P4HA2: variants seen among roughly 807,000 people sequenced by gnomAD.
The protein encoded by P4HA2 is prolyl 4-hydroxylase subunit alpha-2.
Under a neutral mutation model 76.9 loss-of-function variants are expected in P4HA2, and 46 were observed. The ratio of observed to expected loss-of-function variants is 0.60; its 90% CI spans 0.47 to 0.76. The LOEUF (loss-of-function observed/expected upper bound fraction) is 0.76. P4HA2 is among the 30% of genes least tolerant of loss of function. The pLI, the probability that P4HA2 is intolerant of heterozygous loss-of-function variation, is 0.00. For synonymous variants in P4HA2, 243 were observed against 254.0 expected, an observed-to-expected ratio of 0.96 and a Z score of 0.41; for missense variants, 583 against 669.4, an observed-to-expected ratio of 0.87 and a Z score of 1.42.
At chr5:132,195,615 C>T (rs1232980277) in intron 12 of P4HA2, 135 bp from the exon 13 acceptor site, 1 of 696,914 alleles carries the variant, frequency 1.4e-6, no homozygotes, top group East Asian at 2.7e-5. Context: ...TGCTCCATGG[C>T]CAGCCCTTTA....
At chr5:132,217,487 A>ATCTGTGGGGAGTT in intron 3 of P4HA2, 139 bp from the exon 4 acceptor site, 1 of 744,596 alleles carries the variant, frequency 1.3e-6, no homozygotes, top group Non-Finnish European at 2.3e-6. Flanking sequence ...TGAATACAGT[A>ATCTGTGGGGAGTT]ACTCCCCACA....
At chr5:132,195,181 G>A (rs936258442) in intron 13 of P4HA2, 159 bp from the exon 14 acceptor site, 1 of 642,756 alleles carries the variant, frequency 1.6e-6, no homozygotes, top group Admixed American at 2.6e-5. Context: ...ACATTTCCCA[G>A]AAAGCACCTA....
At chr5:132,205,723 C>G (rs891685871) in intron 8 of P4HA2, among the ~76,000 whole-genome samples, 4 of 152,122 alleles carry the variant, frequency 2.6e-5, no homozygotes, top group African/African-American at 9.7e-5. Context: ...CCAGCACAAG[C>G]AGGACAGACG....
At chr5:132,202,839 C>T (rs1751695818) in intron 10 of P4HA2, 2 of 152,274 alleles carry the variant, frequency 1.3e-5, no homozygotes, top group African/African-American at 4.8e-5. Context: ...CTTAACCAGT[C>T]CAGGCCTCTC....
At chr5:132,227,655 G>A (rs115487405) in intron 1 of P4HA2, 135 bp downstream of exon 1, 8,106 of 152,698 alleles carry the variant, frequency 0.053, 599 homozygotes, top group African/African-American at 0.17. Flanking sequence ...GCGGCTAGCG[G>A]CGCGACCCCC....
intron 10 of P4HA2, chr5:132,202,297 T>C (rs1751606222): frequency 6.6e-6 from 1 of 152,224 alleles, no homozygotes; most frequent in South Asian, 2.1e-4. Context: ...CACCAATCCA[T>C]AAAGATGACC....
chr5:132,217,766 A>C lies in P4HA2; in HGVS notation c.165T>G (p.Leu55=), dbSNP rs767079800. 6.9e-6 allele frequency: 11 copies of C among 1,604,986 alleles called. No homozygotes were observed. The African/African-American group carries it at 8.0e-5, about 12-fold the overall frequency. ...ACTTAGGACACCTCTTAATCTTGGA[A>C]AGCTTGGCTTCCTCCACAAGGATGT... ...KEYILVEEAK[L]SKIKSWANKM... The change falls in exon 3 of 15, where the codon CTT becomes CTG. Residue 55 remains leucine (L), a synonymous_variant. Transcript: ENST00000360568.
intron 11 of P4HA2, 94 bp from the exon 12 acceptor site, chr5:132,198,474 T>A (rs1017458241): frequency 4.3e-6 from 5 of 1,154,738 alleles, no homozygotes; most frequent in Admixed American, 1.9e-5. Context: ...AAGTAATAAG[T>A]GTGTGTTCCA....
At chr5:132,218,461 C>G in intron 2 of P4HA2, 84 bp downstream of exon 2, 13 of 952,668 alleles carry the variant, frequency 1.4e-5, no homozygotes, top group Non-Finnish European at 2.0e-5. Flanking sequence ...CTATCCCACT[C>G]TAAATGAGAA....
Position 132,226,386 on chromosome 5 carries a change from G to A in P4HA2, c.-19+1404C>T, listed in dbSNP as rs536939450. On this transcript the variant is annotated intron_variant, in intron 1 of 14. Transcript: ENST00000360568. ...GCCCCAGGTAGTCTATTATCAAGAA[G>A]CACAAATCTCGGGTGTCACTCTACA... Among the ~76,000 whole-genome samples the A allele has an allele frequency of 3.3e-5, 5 of 152,194 alleles. 1 individual carries two copies. The South Asian group carries it at 1.0e-3, about 32-fold the overall frequency.
At chr5:132,214,190 C>T (rs1189662181) in intron 4 of P4HA2, 137 bp from the exon 5 acceptor site, 1 of 799,584 alleles carries the variant, frequency 1.3e-6, no homozygotes, top group African/African-American at 1.7e-5. Context: ...CTGTTGCCCC[C>T]TTCCACCAGG....
At chr5:132,197,021 G>A (rs779220490) in intron 12 of P4HA2, among the ~76,000 whole-genome samples, 27 of 152,102 alleles carry the variant, frequency 1.8e-4, no homozygotes, top group Non-Finnish European at 3.4e-4. Context: ...AAAGCATAAA[G>A]GGAAAAAATG....
chr5:132,207,020 A>G (rs1752292605), intron 8 of P4HA2, among the ~76,000 whole-genome samples: 1 of 152,238 alleles, frequency 6.6e-6, no homozygotes, highest in Admixed American at 6.5e-5. Context: ...CACTTAATAT[A>G]TATGTTAAGC....
chr5:132,215,592 C>G (rs1753735146), intron 4 of P4HA2, among the ~76,000 whole-genome samples: 1 of 152,230 alleles, frequency 6.6e-6, no homozygotes, highest in Non-Finnish European at 1.5e-5. Context: ...CCAGGCCCAA[C>G]CCAGTCTGGC....
intron 14 of P4HA2, 30 bp from the exon 15 acceptor site, chr5:132,193,110 C>A: frequency 6.5e-7 from 1 of 1,547,772 alleles, no homozygotes; most frequent in East Asian, 2.2e-5. Context: ...ATGTTACAAT[C>A]CTATTGGTCA....
intron 9 of P4HA2, 62 bp from the exon 10 acceptor site, chr5:132,203,909 A>T: frequency 7.5e-7 from 1 of 1,324,774 alleles, no homozygotes; most frequent in African/African-American, 1.4e-5. Flanking sequence ...TGAGGTCCTG[A>T]ACTCTGTCCC....
chr5:132,200,460 T>C (rs941880629), intron 10 of P4HA2: 8 of 161,286 alleles, frequency 5.0e-5, no homozygotes, highest in Non-Finnish European at 7.3e-5. Flanking sequence ...AGGCTGGAGA[T>C]GCATCTAAGG....
At chr5:132,223,008 C>A (rs879821852) in intron 1 of P4HA2, among the ~76,000 whole-genome samples, 1 of 152,234 alleles carries the variant, frequency 6.6e-6, no homozygotes, top group Non-Finnish European at 1.5e-5. Context: ...ATGCATCTTA[C>A]GTCCCACCTT....
intron 8 of P4HA2, 34 bp from the exon 9 acceptor site, chr5:132,204,186 G>A (rs1266190969): frequency 6.9e-7 from 1 of 1,456,862 alleles, no homozygotes; most frequent in South Asian, 1.1e-5. Context: ...GACTTGATTT[G>A]TTTGTTTGTT....
Sources: gnomAD v4.1 joint callset for allele counts (sites outside exome capture counted in the v4.1 genomes callset) on GRCh38, gnomAD v4.1.1 for gene constraint, MANE v1.5 for transcripts, NCBI Gene and HGNC (gene_info 2026-07-23, HGNC 2026-07-21) for gene names.